The following TNRC18 variants were observed in gnomAD, a reference collection of about 807,000 sequenced individuals.
TNRC18 encodes trinucleotide repeat containing 18.
A neutral mutation model predicts 226.7 loss-of-function variants in TNRC18; 69 were observed. That is an observed-to-expected ratio of 0.30 (90% confidence interval 0.25 to 0.37). The LOEUF (loss-of-function observed/expected upper bound fraction) is 0.37, where lower values mean the gene tolerates loss of function less well. Ranked by LOEUF, TNRC18 falls within the 10% of genes least tolerant of loss-of-function variation. The probability of loss-of-function intolerance (pLI) is 1.00; values close to 1 mark genes in which losing one functional copy is unlikely to be tolerated. For missense variants in TNRC18, 4,754 were observed against 4,256.6 expected, an observed-to-expected ratio of 1.12 and a Z score of -3.25; for synonymous variants, 2,449 against 1,927.6, an observed-to-expected ratio of 1.27 and a Z score of -7.09.
At chr7:5,393,450 G>C (rs781431306) in intron 3 of TNRC18, among the ~76,000 whole-genome samples, 2 of 152,284 alleles carry the variant, frequency 1.3e-5, no homozygotes, top group Non-Finnish European at 2.9e-5. Flanking sequence ...CTCCTGGGCT[G>C]AACACAGCAG....
rs756005231 is a variant in TNRC18, at chr7:5,333,051, T to C, written c.5720-2A>G. ...AGTCGGTGTACTCGAACTCTGTGCC[T>C]GAACGCGGGAGGAGGGCGTGCTGGT... On this transcript the variant is annotated splice_acceptor_variant, in intron 18 of 29. Transcript: ENST00000430969. LOFTEE classifies it high-confidence loss of function. 3 of 1,570,666 alleles carry C rather than the reference T, an allele frequency of 1.9e-6. No homozygotes were observed. Among genetic ancestry groups the C allele is most frequent in the Non-Finnish European group, 8.6e-7 (1 of 1,166,324 alleles).
At chr7:5,415,146 A>C (rs1309530663) in intron 2 of TNRC18, among the ~76,000 whole-genome samples, 3 of 151,396 alleles carry the variant, frequency 2.0e-5, no homozygotes, top group Non-Finnish European at 2.9e-5. Context: ...CACCTCCCCC[A>C]CATCCCCTCC....
At chr7:5,361,419 C>A (rs1326467120) in intron 14 of TNRC18, among the ~76,000 whole-genome samples, 175 bp downstream of exon 14, 13 of 152,236 alleles carry the variant, frequency 8.5e-5, no homozygotes, top group African/African-American at 3.1e-4. Flanking sequence ...ACCGGCCTCG[C>A]TCCCTCCTGG....
intron 16 of TNRC18, 149 bp downstream of exon 16, chr7:5,356,767 G>T (rs1792443946): frequency 2.8e-5 from 32 of 1,158,778 alleles, no homozygotes; most frequent in Non-Finnish European, 3.7e-5. Context: ...TGGAGGCCAT[G>T]CCAAGCTCAG....
In TNRC18 at chr7:5,361,752, C is replaced by G. The variant is rs749375543; in HGVS notation, c.4533-30G>C. 4.5e-6 allele frequency: 7 copies of G among 1,554,380 alleles called. No individual in the cohort carries two copies. The East Asian group carries it at 1.7e-4, about 38-fold the overall frequency. ...AAAAGAATCACACGCTTGGCTGTGA[C>G]GCTGGGGGGCGGGCGGGGCGCGGAG... On this transcript the variant is annotated intron_variant, in intron 13 of 29. Transcript: ENST00000430969.
chr7:5,356,859 G>T (rs767898384), intron 16 of TNRC18, 57 bp downstream of exon 16: 557 of 1,474,816 alleles, frequency 3.8e-4, no homozygotes, highest in Non-Finnish European at 4.7e-4. Context: ...GTGGAGAGAA[G>T]AGGGGAGAAA....
chr7:5,361,632 G>A lies in TNRC18; in HGVS notation c.4623C>T (p.Pro1541=), dbSNP rs1251221759. Reference sequence around the variant, plus strand: ...GGCCGCTCTTCCCTCTCTTGCGGGGGGGCGACAGGGCGCTCGGGGCGTGGG... The same window carrying A: ...GGCCGCTCTTCCCTCTCTTGCGGGGAGGCGACAGGGCGCTCGGGGCGTGGG... The part of the protein sequence containing the change: ...KRTHAPSALS[P]PRKRGKSGHS... Residue 1541 remains proline, a synonymous_variant, in exon 14 of 30, where the codon CCC becomes CCT. Coordinates refer to ENST00000430969, the MANE Select transcript of TNRC18 (RefSeq NM_001080495.3). The A allele has an allele frequency of 1.4e-5, 22 of 1,547,484 alleles. No homozygotes were observed. The highest frequency in any genetic ancestry group is 1.8e-5 in the Non-Finnish European group (21 of 1,147,786).
intron 5 of TNRC18, among the ~76,000 whole-genome samples, chr7:5,378,620 G>A (rs1205055284): frequency 2.6e-5 from 4 of 151,404 alleles, no homozygotes; most frequent in African/African-American, 2.4e-5. Flanking sequence ...GGGCTTCACC[G>A]TGTTAGCCAG....
intron 17 of TNRC18, among the ~76,000 whole-genome samples, chr7:5,349,720 G>T (rs1791582856): frequency 6.6e-6 from 1 of 152,246 alleles, no homozygotes; most frequent in Admixed American, 6.5e-5. Flanking sequence ...GACCAAAACA[G>T]ACATTCAAAG....
chr7:5,422,937 C>T (rs1301026360), intron 1 of TNRC18: 1 of 152,200 alleles, frequency 6.6e-6, no homozygotes, highest in African/African-American at 2.4e-5. Flanking sequence ...GCCAGCGCCT[C>T]GTAGTATGCC....
At chr7:5,308,504 TGA>T (rs1391501515) in intron 29 of TNRC18, among the ~76,000 whole-genome samples, 192 bp from the exon 30 acceptor site, 3 of 147,194 alleles carry the variant, frequency 2.0e-5, no homozygotes, top group Non-Finnish European at 4.5e-5. Flanking sequence ...GGAGAGCAAA[TGA>T]GAGACAAGGA....
At position 5,309,443 on chromosome 7, in the gene TNRC18, C is replaced by T. The variant is rs1786960089; in HGVS notation, c.8389-75G>A. 1 of 1,358,826 alleles carries T rather than the reference C, an allele frequency of 7.4e-7. No homozygotes were observed. 84.2% of individuals were successfully genotyped at this position (1,358,826 alleles called of 1,614,324 possible). A position where few individuals can be genotyped will look rare whatever the true frequency, so the allele number is the denominator to read the frequency against. On this transcript the variant is annotated intron_variant, in intron 27 of 29. Coordinates refer to ENST00000430969, the MANE Select transcript of TNRC18 (RefSeq NM_001080495.3). The surrounding 1 kb of genome is among the most constrained non-coding windows in gnomAD (Gnocchi z 5.7). Reference sequence around the variant, plus strand: ...GCCCGCCGCCTGGCAGGCTCTGCCGCTTGGGACTCTGGGCCCTCGGCCTCT... The same window carrying T: ...GCCCGCCGCCTGGCAGGCTCTGCCGTTTGGGACTCTGGGCCCTCGGCCTCT...
intron 17 of TNRC18, 115 bp downstream of exon 17, chr7:5,351,704 A>C (rs1791831571): frequency 8.2e-7 from 1 of 1,224,730 alleles, no homozygotes; most frequent in East Asian, 2.6e-5. Context: ...GGCCATCCGC[A>C]CGGGCCTCCT....
At chr7:5,317,304 A>G (rs1268185296) in intron 24 of TNRC18, among the ~76,000 whole-genome samples, 2 of 152,050 alleles carry the variant, frequency 1.3e-5, no homozygotes, top group African/African-American at 4.8e-5. Flanking sequence ...GAAAGCTAAA[A>G]TGAGGCCTGG....
At chr7:5,337,481 C>CAAAA (rs35118676) in intron 18 of TNRC18, among the ~76,000 whole-genome samples, 1 of 140,778 alleles carries the variant, frequency 7.1e-6, no homozygotes, top group East Asian at 2.0e-4. Flanking sequence ...GAGACTGTTT[C>CAAAA]AAAAAAAAAA....
chr7:5,388,625 CG>C lies in TNRC18; in HGVS notation c.1198del (p.Arg400AlafsTer190), dbSNP rs2128194183. 7.8e-7 allele frequency: 1 copy of C among 1,279,746 alleles called. No homozygotes were observed. Among genetic ancestry groups the C allele is most frequent in the South Asian group, 2.0e-5 (1 of 50,182 alleles). The allele number at this position is 1,279,746 out of a possible 1,614,324, so 79.3% of individuals were successfully genotyped here. A position where few individuals can be genotyped will look rare whatever the true frequency, so the allele number is the denominator to read the frequency against. ...IASQARDARA[R>X]EREAGRPGVL... ...CCCTGGCCTGCCAGCCTCGCGCTCG[CG>C]GGCCCGGGCATCGCGCGCCTGGGAT... On this transcript the variant is annotated frameshift_variant, in exon 5 of 30. Transcript: ENST00000430969. LOFTEE classifies it high-confidence loss of function.
At chr7:5,318,462 A>G (rs1788058824) in intron 24 of TNRC18, among the ~76,000 whole-genome samples, 1 of 152,232 alleles carries the variant, frequency 6.6e-6, no homozygotes, top group African/African-American at 2.4e-5. Context: ...ACCAGGGGCC[A>G]TGGAACTAGC....
intron 29 of TNRC18, 79 bp from the exon 30 acceptor site, chr7:5,308,391 AGACAGAAGCAGAGGGAGCCCCAGGGACT>A (rs1786798057): frequency 3.8e-6 from 5 of 1,322,384 alleles, no homozygotes; most frequent in Admixed American, 2.3e-5. Flanking sequence ...ACAGGGACAG[AGACAGAAGCAGAGGGAGCCCCAGGGACT>A]GAGACAGAGA....
chr7:5,314,722 A>G (rs1010297797), intron 26 of TNRC18, among the ~76,000 whole-genome samples: 1 of 151,604 alleles, frequency 6.6e-6, no homozygotes, highest in East Asian at 1.9e-4. Flanking sequence ...ACAGGCACTC[A>G]CCACCATGCC....
Sources: gnomAD v4.1 joint callset for allele counts (sites outside exome capture counted in the v4.1 genomes callset) on GRCh38, gnomAD v4.1.1 for gene constraint, Gnocchi (gnomAD v3.1) non-coding constraint, MANE v1.5 for transcripts, NCBI Gene and HGNC (gene_info 2026-07-23, HGNC 2026-07-21) for gene names.